The following RICTOR variants were observed in gnomAD, a reference collection of about 807,000 sequenced individuals.
RICTOR encodes RPTOR independent companion of MTOR complex 2.
RICTOR carries 49 observed loss-of-function variants against 214.9 expected under a neutral mutation model. The observed-to-expected ratio is 0.23, with a 90% CI of 0.18 to 0.29. RICTOR has a LOEUF of 0.29. Ranked by LOEUF, RICTOR falls within the 10% of genes least tolerant of loss-of-function variation. The probability of loss-of-function intolerance (pLI) is 1.00; values close to 1 mark genes in which losing one functional copy is unlikely to be tolerated. For missense variants in RICTOR, 1,625 were observed against 2,047.0 expected (o/e 0.79, Z 3.98); for synonymous variants, 717 against 711.3 (o/e 1.01, Z -0.13).
In RICTOR at chr5:38,944,914, T is replaced by G; in HGVS notation, c.4788A>C (p.Leu1596=). 1 of 1,613,442 alleles carries G rather than the reference T, an allele frequency of 6.2e-7. No homozygotes were observed. Among genetic ancestry groups the G allele is most frequent in the Non-Finnish European group, 8.5e-7 (1 of 1,179,458 alleles). ...ASSTKSTELL[L]GVKTIPDDTP... Reference sequence around the variant, plus strand: ...TTGGATTTGAATCTGAAGACTCACCTAGTAACAATTCTGTGCTTTTGGTGC... The same window carrying G: ...TTGGATTTGAATCTGAAGACTCACCGAGTAACAATTCTGTGCTTTTGGTGC... Residue 1596 remains leucine (L), a splice_region_variant and synonymous_variant, in exon 35 of 38, where the codon CTA becomes CTC. Transcript: ENST00000357387.
chr5:38,941,783 G>C lies in RICTOR; in HGVS notation c.*521C>G, dbSNP rs974655792. On this transcript the variant is annotated 3_prime_UTR_variant, in exon 38 of 38. Coordinates refer to ENST00000357387, the MANE Select transcript of RICTOR (RefSeq NM_152756.5). The stretch of plus-strand genomic sequence containing the variant: ...TAGTGTTACAAACATTAAGAAAAAC[G>C]TGAAAGGGCCAAAGTTCCCTCTCTA... 2 of 232,648 alleles carry C rather than the reference G, an allele frequency of 8.6e-6. No individual in the cohort carries two copies. The highest frequency in any genetic ancestry group is 4.4e-5 in the African/African-American group (2 of 45,270). 14.4% of individuals were successfully genotyped at this position (232,648 alleles called of 1,614,324 possible). A position where few individuals can be genotyped will look rare whatever the true frequency, so the allele number is the denominator to read the frequency against.
chr5:38,990,145 G>T (rs950204497), intron 7 of RICTOR, among the ~76,000 whole-genome samples: 1 of 152,092 alleles, frequency 6.6e-6, no homozygotes, highest in Non-Finnish European at 1.5e-5. Flanking sequence ...TATACACCAT[G>T]GAATACTATG....
intron 2 of RICTOR, among the ~76,000 whole-genome samples, chr5:39,046,742 A>G (rs1757527096): frequency 6.6e-6 from 1 of 152,160 alleles, no homozygotes; most frequent in Non-Finnish European, 1.5e-5. Context: ...AAAGATTTGT[A>G]TTCCCTCCTC....
At chr5:39,036,745 T>G (rs901515506) in intron 2 of RICTOR, among the ~76,000 whole-genome samples, 73 of 152,272 alleles carry the variant, frequency 4.8e-4, no homozygotes, top group African/African-American at 1.7e-3. Context: ...GGTAAAGGCA[T>G]AAATTCAACA....
Position 38,990,328 on chromosome 5 carries a change from A to G in RICTOR, c.583+621T>C, listed in dbSNP as rs186100257. On this transcript the variant is annotated intron_variant, in intron 7 of 37. Coordinates refer to ENST00000357387, the MANE Select transcript of RICTOR (RefSeq NM_152756.5). ...GGACACAGGGAGAGGAACATCACAC[A>G]CCGGGGCCTATCAGGGGTCGGGGGA... is the stretch of plus-strand genomic sequence containing the variant. 1.5e-3 allele frequency among the ~76,000 whole-genome samples: 232 copies of G among 150,822 alleles called. 1 individual carries two copies. Among genetic ancestry groups the G allele is most frequent in the African/African-American group, 5.2e-3 (215 of 41,104 alleles).
chr5:38,990,735 T>TGATATATCA lies in RICTOR; in HGVS notation c.583+213_583+214insTGATATATC, dbSNP rs1561502709. Among the ~76,000 whole-genome samples, 92 of 60,592 alleles carry TGATATATCA rather than the reference T, an allele frequency of 1.5e-3. 4 individuals carry two copies. The highest frequency in any genetic ancestry group is 3.0e-3 in the Admixed American group (17 of 5,576). The allele number at this position is 60,592 out of a possible 152,430, so 39.8% of individuals were successfully genotyped here. A position where few individuals can be genotyped will look rare whatever the true frequency, so the allele number is the denominator to read the frequency against. On this transcript the variant is annotated intron_variant, in intron 7 of 37. Transcript: ENST00000357387. ...ATATATATGATATATATCATATATA[T>TGATATATCA]GATATATATGAGATATATGATATAT...
At position 39,002,653 on chromosome 5, in the gene RICTOR, A is replaced by G; in HGVS notation, c.274T>C (p.Leu92=). 6.2e-7 allele frequency: 1 copy of G among 1,607,484 alleles called. No individual in the cohort carries two copies. The highest frequency in any genetic ancestry group is 8.5e-7 in the Non-Finnish European group (1 of 1,177,888). The change falls in exon 5 of 38, where the codon TTA becomes CTA. Residue 92 remains leucine, a synonymous_variant. Coordinates refer to ENST00000357387, the MANE Select transcript of RICTOR (RefSeq NM_152756.5). ...EDIIICLRLA[L]LNEAKEVRAA... ...CGCACTTCTTTTGCTTCATTTAATA[A>G]AGCTAACCGCAAACTGTATGAAAAC...
intron 2 of RICTOR, among the ~76,000 whole-genome samples, chr5:39,034,479 G>C (rs967157779): frequency 1.4e-4 from 22 of 152,226 alleles, no homozygotes; most frequent in Non-Finnish European, 2.1e-4. Context: ...CAGGACAGTG[G>C]GTGCAGCGCA....
chr5:39,023,942 G>A (rs1208591131), intron 2 of RICTOR, among the ~76,000 whole-genome samples: 1 of 152,190 alleles, frequency 6.6e-6, no homozygotes, highest in Non-Finnish European at 1.5e-5. Flanking sequence ...AATCTTAAGT[G>A]ATTTAGTGTG....
intron 6 of RICTOR, among the ~76,000 whole-genome samples, chr5:38,993,984 C>G (rs2432224): frequency 0.94 from 143,184 of 152,226 alleles, 67,616 homozygotes; most frequent in East Asian, 0.99. Context: ...AGATCAAGAC[C>G]ATCCTGGTTA....
At chr5:38,980,723 A>G (rs1366727372) in intron 8 of RICTOR, among the ~76,000 whole-genome samples, 1 of 152,028 alleles carries the variant, frequency 6.6e-6, no homozygotes, top group Non-Finnish European at 1.5e-5. Flanking sequence ...GCATGTAACT[A>G]TAGTCCCAGC....
chr5:39,027,550 C>A (rs549519221), intron 2 of RICTOR, among the ~76,000 whole-genome samples: 314 of 152,164 alleles, frequency 2.1e-3, no homozygotes, highest in African/African-American at 7.3e-3. Context: ...TATTGCATGG[C>A]ACGTATATAG....
At chr5:38,968,881 A>G (rs1750462705) in intron 11 of RICTOR, among the ~76,000 whole-genome samples, 1 of 151,622 alleles carries the variant, frequency 6.6e-6, no homozygotes, top group African/African-American at 2.4e-5. Flanking sequence ...TTCCAGACAT[A>G]CAAGGTATGG....
chr5:38,990,526 G>GATATATACACGAT (rs1554067781), intron 7 of RICTOR, among the ~76,000 whole-genome samples: 9 of 137,014 alleles, frequency 6.6e-5, no homozygotes, highest in South Asian at 4.4e-4. Context: ...ATATATATAC[G>GATATATACACGAT]ATATATATAC....
chr5:38,981,223 T>C (rs1751693207), intron 8 of RICTOR: 1 of 152,196 alleles, frequency 6.6e-6, no homozygotes, highest in Non-Finnish European at 1.5e-5. Context: ...AACAAATCCT[T>C]GATTTAAGCT....
chr5:38,963,526 T>C (rs1242811979), intron 16 of RICTOR, among the ~76,000 whole-genome samples: 2 of 151,952 alleles, frequency 1.3e-5, no homozygotes, highest in African/African-American at 4.8e-5. Flanking sequence ...AAATGGTATA[T>C]TTTTATAAAT....
intron 4 of RICTOR, 123 bp from the exon 5 acceptor site, chr5:39,002,789 G>C (rs1321381162): frequency 2.2e-6 from 2 of 912,602 alleles, no homozygotes; most frequent in Non-Finnish European, 3.3e-6. Flanking sequence ...AGAATTCTAA[G>C]AGCATTCTAC....
chr5:39,014,963 T>C lies in RICTOR; in HGVS notation c.195+6076A>G, dbSNP rs957190673. 1.3e-4 allele frequency among the ~76,000 whole-genome samples: 20 copies of C among 152,184 alleles called. 1 individual carries two copies. Among genetic ancestry groups the C allele is most frequent in the African/African-American group, 4.8e-4 (20 of 41,450 alleles). The stretch of plus-strand genomic sequence containing the variant: ...AAAAACTCATATTTAAAATGCATCA[T>C]CTTCCCAATCTAATATAATACCATT... On this transcript the variant is annotated intron_variant, in intron 3 of 37. Coordinates refer to ENST00000357387, the MANE Select transcript of RICTOR (RefSeq NM_152756.5).
chr5:38,944,221 T>A, intron 36 of RICTOR: 1 of 610,888 alleles, frequency 1.6e-6, no homozygotes, highest in South Asian at 1.5e-5. Context: ...AAGTCTGGCT[T>A]AATAGAAGAT....
Sources: gnomAD v4.1 joint callset for allele counts (sites outside exome capture counted in the v4.1 genomes callset) on GRCh38, gnomAD v4.1.1 for gene constraint, MANE v1.5 for transcripts, NCBI Gene and HGNC (gene_info 2026-07-23, HGNC 2026-07-21) for gene names.